Variants in TOX2 observed in about 807,000 individuals in gnomAD.
TOX2 encodes the protein TOX high mobility group box family member 2.
A neutral mutation model predicts 47.4 loss-of-function variants in TOX2; 15 were observed. That is an observed-to-expected ratio of 0.32 (90% confidence interval 0.21 to 0.49). TOX2 has a LOEUF of 0.49. Ranked by LOEUF, TOX2 falls within the 20% of genes least tolerant of loss-of-function variation. The pLI, the probability that TOX2 is intolerant of heterozygous loss-of-function variation, is 0.99. For missense variants in TOX2, 622 were observed against 673.1 expected (o/e 0.92, Z 0.84); for synonymous variants, 290 against 296.6 (o/e 0.98, Z 0.23).
chr20:44,000,380 G>A (rs1172712760), intron 2 of TOX2, among the ~76,000 whole-genome samples: 1 of 152,208 alleles, frequency 6.6e-6, no homozygotes. Flanking sequence ...TGTAGGATGT[G>A]AGAGGAAGAG....
rs146079129 is a variant in TOX2, at chr20:43,962,095, G to A, written c.100-11272G>A. On this transcript the variant is annotated intron_variant, in intron 1 of 8. Coordinates refer to ENST00000341197, the MANE Select transcript of TOX2 (RefSeq NM_001098797.2). ...ATTAGATTTACAATCGGGGATGGGA[G>A]AGAGCTCCAAATGGCTTTAAATGGA... is the stretch of plus-strand genomic sequence containing the variant. Among the ~76,000 whole-genome samples, 1,385 of 152,376 alleles carry A rather than the reference G, an allele frequency of 9.1e-3. 8 individuals are homozygous for A. Among genetic ancestry groups the A allele is most frequent in the Non-Finnish European group, 0.012 (800 of 68,038 alleles).
intron 2 of TOX2, among the ~76,000 whole-genome samples, chr20:43,985,131 C>T (rs1016171549): frequency 7.9e-5 from 12 of 152,326 alleles, no homozygotes; most frequent in Admixed American, 7.2e-4. Flanking sequence ...TCCTCAGCCT[C>T]TCTCCCTGTG....
At chr20:43,934,145 G>GAT (rs2069292741) in intron 1 of TOX2, among the ~76,000 whole-genome samples, 1 of 150,450 alleles carries the variant, frequency 6.6e-6, no homozygotes, top group African/African-American at 2.5e-5. Context: ...AGGAGAGAGA[G>GAT]AGAGAGAGAG....
At chr20:44,061,817 G>A (rs538854447) in intron 5 of TOX2, among the ~76,000 whole-genome samples, 3 of 151,962 alleles carry the variant, frequency 2.0e-5, no homozygotes, top group Non-Finnish European at 4.4e-5. Flanking sequence ...ATGGATGCAG[G>A]GATGGTTTAA....
intron 3 of TOX2, among the ~76,000 whole-genome samples, chr20:44,048,971 G>T (rs994510837): frequency 6.6e-6 from 1 of 152,024 alleles, no homozygotes; most frequent in Non-Finnish European, 1.5e-5. Flanking sequence ...ACCCCGTCTC[G>T]CTCTACTAAA....
intron 2 of TOX2, among the ~76,000 whole-genome samples, chr20:43,991,768 T>C (rs2070373324): frequency 6.6e-6 from 1 of 151,898 alleles, no homozygotes; most frequent in African/African-American, 2.4e-5. Flanking sequence ...TTCAGCCTCC[T>C]GAGTAGCTGG....
chr20:43,960,193 G>A (rs1274666257), intron 1 of TOX2, among the ~76,000 whole-genome samples: 1 of 152,324 alleles, frequency 6.6e-6, no homozygotes, highest in East Asian at 1.9e-4. Flanking sequence ...TCGTTCTAAT[G>A]AGTAAATGAT....
intron 1 of TOX2, 44 bp from the exon 2 acceptor site, chr20:43,973,323 G>C (rs758476655): frequency 6.2e-7 from 1 of 1,600,010 alleles, no homozygotes; most frequent in Non-Finnish European, 8.6e-7. Context: ...GCCTTCCTGA[G>C]AGCATTTTAA....
In TOX2 at chr20:44,026,459, C is replaced by T. The variant is rs139701121; in HGVS notation, c.411+19667C>T. On this transcript the variant is annotated intron_variant, in intron 3 of 8. Coordinates refer to ENST00000341197, the MANE Select transcript of TOX2 (RefSeq NM_001098797.2). Reference sequence around the variant, plus strand: ...AATGACTCAATGGACTTTGGGGACTCAGGGAGAAAGGGTGGGAAGAGGGGG... The same window carrying T: ...AATGACTCAATGGACTTTGGGGACTTAGGGAGAAAGGGTGGGAAGAGGGGG... 1.2e-4 allele frequency among the ~76,000 whole-genome samples: 18 copies of T among 150,734 alleles called. No homozygotes were observed. In the East Asian group the frequency reaches 3.3e-3, roughly 28 times the overall value.
At chr20:43,997,243 A>G (rs1021675756) in intron 2 of TOX2, among the ~76,000 whole-genome samples, 1 of 152,236 alleles carries the variant, frequency 6.6e-6, no homozygotes, top group Non-Finnish European at 1.5e-5. Context: ...AATAAAAGGA[A>G]CACTTCAACA....
At chr20:43,987,310 G>A (rs1171324385) in intron 2 of TOX2, among the ~76,000 whole-genome samples, 3 of 152,168 alleles carry the variant, frequency 2.0e-5, no homozygotes, top group African/African-American at 2.4e-5. Flanking sequence ...TACAGCACAT[G>A]AACAGGCAAA....
intron 1 of TOX2, among the ~76,000 whole-genome samples, chr20:43,945,244 G>A (rs1299127998): frequency 6.6e-6 from 1 of 152,124 alleles, no homozygotes; most frequent in African/African-American, 2.4e-5. Context: ...CTTTTATAGT[G>A]CATGTTCAAA....
intron 1 of TOX2, chr20:43,946,084 C>A: frequency 6.2e-7 from 1 of 1,607,206 alleles, no homozygotes; most frequent in Non-Finnish European, 8.5e-7. Context: ...GGTGGTCAGG[C>A]CGTCACTGTG....
intron 1 of TOX2, among the ~76,000 whole-genome samples, chr20:43,966,411 G>A (rs1025151292): frequency 2.6e-4 from 39 of 152,138 alleles, no homozygotes; most frequent in African/African-American, 8.2e-4. Flanking sequence ...GGTAGATTTC[G>A]GTGGATAGAG....
At chr20:43,958,839 C>A (rs1383235688) in intron 1 of TOX2, among the ~76,000 whole-genome samples, 1 of 152,258 alleles carries the variant, frequency 6.6e-6, no homozygotes, top group East Asian at 1.9e-4. Context: ...TTGGTTTCCC[C>A]AGTGGGATTT....
At chr20:44,031,272 G>A (rs914875587) in intron 3 of TOX2, among the ~76,000 whole-genome samples, 1 of 152,158 alleles carries the variant, frequency 6.6e-6, no homozygotes, top group Admixed American at 6.5e-5. Flanking sequence ...CTGTTCCTTG[G>A]TAGCATAAAA....
chr20:43,985,225 C>T (rs1401999058), intron 2 of TOX2, among the ~76,000 whole-genome samples: 1 of 152,170 alleles, frequency 6.6e-6, no homozygotes, highest in Non-Finnish European at 1.5e-5. Context: ...TCTGAGGGAC[C>T]TTCCGGGTTG....
At chr20:43,947,748 C>G (rs547159789) in intron 1 of TOX2, among the ~76,000 whole-genome samples, 6 of 152,308 alleles carry the variant, frequency 3.9e-5, no homozygotes, top group Admixed American at 3.9e-4. Flanking sequence ...GAACAACTTA[C>G]TGAATACCAC....
At chr20:43,922,987 G>C (rs1225730545) in intron 1 of TOX2, among the ~76,000 whole-genome samples, 1 of 150,870 alleles carries the variant, frequency 6.6e-6, no homozygotes, top group African/African-American at 2.4e-5. Flanking sequence ...AATTGGCTGA[G>C]CAGTGCCAAT....
Sources: allele counts gnomAD v4.1 joint callset (sites outside exome capture counted in the v4.1 genomes callset), GRCh38; gene constraint gnomAD v4.1.1; transcripts MANE v1.5; gene names NCBI Gene and HGNC (gene_info 2026-07-23, HGNC 2026-07-21).